Variants in BCAS4 observed in about 807,000 individuals in gnomAD.
BCAS4 encodes breast carcinoma amplified sequence 4.
A neutral mutation model predicts 15.7 loss-of-function variants in BCAS4; 9 were observed. That is an observed-to-expected ratio of 0.57 (90% CI 0.34 to 1.00). The LOEUF (loss-of-function observed/expected upper bound fraction) is 1.00, where lower values mean the gene tolerates loss of function less well. Among genes scored for constraint, BCAS4 ranks in the 50% least tolerant of loss-of-function variants. The pLI is 0.02. For missense variants in BCAS4, 225 were observed against 239.1 expected, an observed-to-expected ratio of 0.94 and a Z score of 0.39; for synonymous variants, 101 against 99.5, an observed-to-expected ratio of 1.02 and a Z score of -0.09.
intron 1 of BCAS4, among the ~76,000 whole-genome samples, chr20:50,798,647 G>A (rs890443344): frequency 1.3e-5 from 2 of 152,158 alleles, no homozygotes; most frequent in Non-Finnish European, 2.9e-5. Context: ...TGAACTTTCA[G>A]TCCATCTCAG....
chr20:50,867,353 G>A (rs949884284), intron 4 of BCAS4, among the ~76,000 whole-genome samples: 5 of 152,084 alleles, frequency 3.3e-5, no homozygotes, highest in African/African-American at 1.2e-4. Flanking sequence ...TTTTGTTGTT[G>A]TTGTTGTGTT....
intron 2 of BCAS4, among the ~76,000 whole-genome samples, chr20:50,826,848 G>A (rs1450130314): frequency 6.6e-6 from 1 of 152,062 alleles, no homozygotes; most frequent in African/African-American, 2.4e-5. Flanking sequence ...GACAGCTGTA[G>A]TCCCAGCTAT....
intron 4 of BCAS4, among the ~76,000 whole-genome samples, chr20:50,858,615 C>A (rs1381103399): frequency 6.6e-6 from 1 of 150,466 alleles, no homozygotes; most frequent in African/African-American, 2.4e-5. Context: ...AACAAAAAAA[C>A]AAAGTAAATG....
chr20:50,849,589 T>C (rs2088585337), intron 4 of BCAS4, among the ~76,000 whole-genome samples: 1 of 152,156 alleles, frequency 6.6e-6, no homozygotes, highest in South Asian at 2.1e-4. Context: ...GTGAGTCTTC[T>C]GGGCATGAGA....
intron 4 of BCAS4, among the ~76,000 whole-genome samples, chr20:50,869,261 T>C (rs972690709): frequency 2.0e-5 from 3 of 152,148 alleles, no homozygotes; most frequent in Admixed American, 6.5e-5. Context: ...CCCTGGGGGA[T>C]GAAGGTGGGC....
rs6067552 is a variant in BCAS4, at chr20:50,796,669, A to G, written c.90+1496A>G. 4.1e-5 allele frequency among the ~76,000 whole-genome samples: 6 copies of G among 147,530 alleles called. No individual in the cohort carries two copies. The South Asian group carries it at 1.3e-3, about 32-fold the overall frequency. ...GCCACCATGCTCAGCTAATTTTTGTATTTTTCAGTAGAGACGGGGTTTCAC... is the reference window on the plus strand; with the variant it reads ...GCCACCATGCTCAGCTAATTTTTGTGTTTTTCAGTAGAGACGGGGTTTCAC... On this transcript the variant is annotated intron_variant, in intron 1 of 4. Coordinates refer to ENST00000371608, the MANE Select transcript of BCAS4 (RefSeq NM_198799.4).
intron 4 of BCAS4, among the ~76,000 whole-genome samples, chr20:50,849,555 T>G (rs1600885631): frequency 6.6e-6 from 1 of 152,116 alleles, no homozygotes. Context: ...GCTCCCAGGG[T>G]GATCTGGTAA....
At chr20:50,824,375 C>T (rs1369171980) in intron 2 of BCAS4, among the ~76,000 whole-genome samples, 2 of 152,236 alleles carry the variant, frequency 1.3e-5, no homozygotes, top group African/African-American at 4.8e-5. Flanking sequence ...TGACTTTCCT[C>T]TGTGGTGACC....
intron 3 of BCAS4, among the ~76,000 whole-genome samples, chr20:50,838,371 GC>G (rs904772501): frequency 3.9e-5 from 6 of 152,184 alleles, no homozygotes; most frequent in African/African-American, 1.4e-4. Flanking sequence ...CAGAGTGCCT[GC>G]CGGGGCTATA....
At chr20:50,861,698 G>T (rs977573572) in intron 4 of BCAS4, among the ~76,000 whole-genome samples, 2 of 151,722 alleles carry the variant, frequency 1.3e-5, no homozygotes, top group South Asian at 2.1e-4. Flanking sequence ...ATCTCCCCCC[G>T]CTCCAGCCCC....
chr20:50,818,132 T>TA (rs5841815), intron 1 of BCAS4, 79 bp from the exon 2 acceptor site: 66,621 of 1,184,180 alleles, frequency 0.056, 10 homozygotes, highest in Non-Finnish European at 0.066. Flanking sequence ...TAGTTTGCTT[T>TA]AAAAAAAAAA....
intron 4 of BCAS4, among the ~76,000 whole-genome samples, chr20:50,855,730 G>C (rs764894936): frequency 1.3e-5 from 2 of 152,178 alleles, no homozygotes; most frequent in Non-Finnish European, 2.9e-5. Context: ...TGCGCCCACA[G>C]GAGGGCCCCC....
Position 50,796,470 on chromosome 20 carries a change from TATATATATATATATATA to T in BCAS4, c.90+1298_90+1314del, listed in dbSNP as rs1261515716. 9.4e-3 allele frequency among the ~76,000 whole-genome samples: 119 copies of T among 12,604 alleles called. 1 individual carries two copies. Among genetic ancestry groups the T allele is most frequent in the Non-Finnish European group, 0.016 (103 of 6,530 alleles). 8.3% of individuals were successfully genotyped at this position (12,604 alleles called of 152,430 possible). A position where few individuals can be genotyped will look rare whatever the true frequency, so the allele number is the denominator to read the frequency against. On this transcript the variant is annotated intron_variant, in intron 1 of 4. Transcript: ENST00000371608. ...TTTTCTCCATATATATATATATATA[TATATATATATATATATA>T]TTTTTTTTTTTTTTTTTTTTTTTTT...
At chr20:50,818,570 A>G (rs1384913411) in intron 2 of BCAS4, among the ~76,000 whole-genome samples, 1 of 152,052 alleles carries the variant, frequency 6.6e-6, no homozygotes, top group Non-Finnish European at 1.5e-5. Context: ...ACAAGGTGGC[A>G]CTCTCGGGCA....
intron 2 of BCAS4, among the ~76,000 whole-genome samples, chr20:50,826,137 T>A (rs1229286393): frequency 6.6e-6 from 1 of 152,220 alleles, no homozygotes; most frequent in Non-Finnish European, 1.5e-5. Flanking sequence ...TGCCCTGGAA[T>A]TAATTATCTG....
intron 1 of BCAS4, among the ~76,000 whole-genome samples, chr20:50,811,203 G>A (rs2088058723): frequency 6.6e-6 from 1 of 151,800 alleles, no homozygotes; most frequent in Non-Finnish European, 1.5e-5. Context: ...GATGAGGGAG[G>A]ACTCAAAAAA....
chr20:50,871,881 G>A (rs6020812), intron 4 of BCAS4, among the ~76,000 whole-genome samples: 1 of 152,204 alleles, frequency 6.6e-6, no homozygotes, highest in Non-Finnish European at 1.5e-5. Context: ...ACATGGGCTA[G>A]GCCTGCTCTT....
intron 1 of BCAS4, among the ~76,000 whole-genome samples, chr20:50,815,973 T>C (rs1287105405): frequency 1.3e-5 from 2 of 152,200 alleles, no homozygotes; most frequent in African/African-American, 4.8e-5. Flanking sequence ...CAGAAACTGG[T>C]ATTTTAGAAG....
intron 2 of BCAS4, among the ~76,000 whole-genome samples, chr20:50,827,105 C>A (rs2088286494): frequency 6.6e-6 from 1 of 152,260 alleles, no homozygotes; most frequent in Non-Finnish European, 1.5e-5. Flanking sequence ...ACCAGTTTCT[C>A]ATGAGTGTCC....
Sources: gnomAD v4.1 joint callset for allele counts (sites outside exome capture counted in the v4.1 genomes callset) on GRCh38, gnomAD v4.1.1 for gene constraint, MANE v1.5 for transcripts, NCBI Gene and HGNC (gene_info 2026-07-23, HGNC 2026-07-21) for gene names.